PRKCA: variants seen among roughly 807,000 people sequenced by gnomAD.
PRKCA encodes protein kinase C alpha type.
In PRKCA, 27 loss-of-function variants were observed where a neutral mutation model predicts 87.0. The ratio of observed to expected loss-of-function variants is 0.31; its 90% CI spans 0.23 to 0.43. The LOEUF (loss-of-function observed/expected upper bound fraction) is 0.43, where lower values mean the gene tolerates loss of function less well. Among genes scored for constraint, PRKCA ranks in the 20% least tolerant of loss-of-function variants. The probability of loss-of-function intolerance (pLI) is 1.00; values close to 1 mark genes in which losing one functional copy is unlikely to be tolerated. For missense variants in PRKCA, 518 were observed against 852.3 expected (o/e 0.61, Z 4.88); for synonymous variants, 329 against 311.1 (o/e 1.06, Z -0.61).
At chr17:66,624,734 G>A (rs943488972) in intron 3 of PRKCA, among the ~76,000 whole-genome samples, 8 of 151,732 alleles carry the variant, frequency 5.3e-5, no homozygotes, top group Admixed American at 3.3e-4. Flanking sequence ...CCCAGGAGGC[G>A]GAGGTTGCAG....
chr17:66,624,733 C>T (rs911949083), intron 3 of PRKCA, among the ~76,000 whole-genome samples: 2 of 151,542 alleles, frequency 1.3e-5, no homozygotes, highest in Admixed American at 1.3e-4. Context: ...ACCCAGGAGG[C>T]GGAGGTTGCA....
At chr17:66,507,314 C>T (rs781738815) in intron 3 of PRKCA, among the ~76,000 whole-genome samples, 5 of 152,126 alleles carry the variant, frequency 3.3e-5, no homozygotes, top group South Asian at 2.1e-4. Flanking sequence ...GTGATTCTCC[C>T]GAGTGCAGTA....
rs149366339 is a variant in PRKCA at position 66,801,744 on chromosome 17, G to A, written c.1855-2129G>A. ...AAGCTTTGCCAGCCCACATGTGGGA[G>A]GCAGGACGGATGTGACAGTAAGCCT... On this transcript the variant is annotated intron_variant, in intron 16 of 16. Transcript: ENST00000413366. 6.4e-4 allele frequency among the ~76,000 whole-genome samples: 98 copies of A among 152,280 alleles called. 1 individual carries two copies. The East Asian group carries it at 0.018, about 29-fold the overall frequency.
At chr17:66,359,924 C>T (rs1317827868) in intron 2 of PRKCA, among the ~76,000 whole-genome samples, 7 of 152,198 alleles carry the variant, frequency 4.6e-5, no homozygotes, top group Non-Finnish European at 1.0e-4. Context: ...TAACCTCCTA[C>T]TAAACTGCCC....
intron 2 of PRKCA, among the ~76,000 whole-genome samples, chr17:66,334,883 A>C (rs1024820728): frequency 6.6e-6 from 1 of 152,204 alleles, no homozygotes; most frequent in Non-Finnish European, 1.5e-5. Flanking sequence ...TGGATAAACA[A>C]AGTATGGGAA....
At chr17:66,483,923 G>A (rs1157678961) in intron 2 of PRKCA, among the ~76,000 whole-genome samples, 3 of 151,982 alleles carry the variant, frequency 2.0e-5, no homozygotes, top group African/African-American at 4.8e-5. Context: ...AATTTTATGG[G>A]GATAGTTTGT....
intron 2 of PRKCA, among the ~76,000 whole-genome samples, chr17:66,405,706 A>G (rs1269773030): frequency 6.6e-6 from 1 of 152,232 alleles, no homozygotes; most frequent in Non-Finnish European, 1.5e-5. Context: ...TTCAATCCCT[A>G]TTCCTTTACA....
intron 5 of PRKCA, among the ~76,000 whole-genome samples, chr17:66,660,920 AATT>A (rs1284057773): frequency 1.1e-4 from 17 of 151,984 alleles, no homozygotes; most frequent in African/African-American, 2.9e-4. Flanking sequence ...AAAATAAATT[AATT>A]AATTAATTAA....
At chr17:66,356,128 A>G (rs1341055979) in intron 2 of PRKCA, among the ~76,000 whole-genome samples, 1 of 151,994 alleles carries the variant, frequency 6.6e-6, no homozygotes, top group Admixed American at 6.6e-5. Context: ...CAAACTCCTG[A>G]TCTCAGGTGA....
chr17:66,388,093 G>C (rs1055183887), intron 2 of PRKCA, among the ~76,000 whole-genome samples: 2 of 152,092 alleles, frequency 1.3e-5, no homozygotes, highest in Non-Finnish European at 1.5e-5. Context: ...GGCAGGGGGA[G>C]GAAACCGTAG....
rs1491097957 is a variant in PRKCA at position 66,512,458 on chromosome 17, G to GT, written c.288+16176dup. 4.1e-4 allele frequency among the ~76,000 whole-genome samples: 2 copies of GT among 4,924 alleles called. 1 individual carries two copies. The highest frequency in any genetic ancestry group is 9.2e-3 in the East Asian group (2 of 218). The allele number at this position is 4,924 out of a possible 152,430, so 3.2% of individuals were successfully genotyped here. A position where few individuals can be genotyped will look rare whatever the true frequency, so the allele number is the denominator to read the frequency against. On this transcript the variant is annotated intron_variant, in intron 3 of 16. Transcript: ENST00000413366. Reference sequence around the variant, plus strand: ...CCTGTCTCCAACAACAACAAAAAAAGTGTGTGTGTGTGTGTGTGTGTGTGT... The same window carrying GT: ...CCTGTCTCCAACAACAACAAAAAAAGTTGTGTGTGTGTGTGTGTGTGTGTGT...
intron 3 of PRKCA, among the ~76,000 whole-genome samples, chr17:66,639,813 A>G (rs1333259390): frequency 6.6e-6 from 1 of 152,098 alleles, no homozygotes; most frequent in Non-Finnish European, 1.5e-5. Flanking sequence ...CCTGAATAAC[A>G]TGGTGAAACC....
In PRKCA at chr17:66,740,870, C is replaced by T. The variant is rs9906336; in HGVS notation, c.1323-789C>T. The stretch of plus-strand genomic sequence containing the variant: ...CCTGTAGTAATCCCATCTCTTCACC[C>T]TCCCCCTTTCTGTACTCTTCTAGCC... On this transcript the variant is annotated intron_variant, in intron 11 of 16. Coordinates refer to ENST00000413366, the MANE Select transcript of PRKCA (RefSeq NM_002737.3). 9.0e-3 allele frequency among the ~76,000 whole-genome samples: 1,376 copies of T among 152,288 alleles called. 21 individuals carry two copies. The highest frequency in any genetic ancestry group is 0.032 in the African/African-American group (1,317 of 41,560).
At chr17:66,388,540 C>T (rs1224838078) in intron 2 of PRKCA, among the ~76,000 whole-genome samples, 2 of 152,210 alleles carry the variant, frequency 1.3e-5, no homozygotes, top group Non-Finnish European at 2.9e-5. Flanking sequence ...GTGATCCACC[C>T]GCCTTAGCCT....
chr17:66,458,058 G>C (rs1188171344), intron 2 of PRKCA, among the ~76,000 whole-genome samples: 2 of 152,198 alleles, frequency 1.3e-5, no homozygotes, highest in Non-Finnish European at 2.9e-5. Context: ...GACATAAGGA[G>C]TATGACCTTC....
intron 3 of PRKCA, among the ~76,000 whole-genome samples, chr17:66,632,372 T>TG (rs1175403561): frequency 6.6e-6 from 1 of 151,986 alleles, no homozygotes; most frequent in Non-Finnish European, 1.5e-5. Context: ...GCTTTTTGTT[T>TG]TTTGTTTGTT....
At chr17:66,756,719 T>C (rs1011500715) in intron 13 of PRKCA, among the ~76,000 whole-genome samples, 3 of 152,142 alleles carry the variant, frequency 2.0e-5, no homozygotes, top group Non-Finnish European at 2.9e-5. Flanking sequence ...TGGAGTCCAG[T>C]AGCATGATCT....
At position 66,315,876 on chromosome 17, in the gene PRKCA, G is replaced by A. The variant is rs755772539; in HGVS notation, c.205+9749G>A. Among the ~76,000 whole-genome samples the A allele has an allele frequency of 1.1e-4, 17 of 152,318 alleles. No homozygotes were observed. In the South Asian group the frequency reaches 1.5e-3, roughly 13 times the overall value. On this transcript the variant is annotated intron_variant, in intron 2 of 16. Coordinates refer to ENST00000413366, the MANE Select transcript of PRKCA (RefSeq NM_002737.3). ...TGGACCTCTGTTTAGTCTATGTCAT[G>A]CCAGACCCTGCAGGGCGCAGGACAG...
At chr17:66,418,152 G>C (rs1251305924) in intron 2 of PRKCA, among the ~76,000 whole-genome samples, 1 of 152,164 alleles carries the variant, frequency 6.6e-6, no homozygotes, top group African/African-American at 2.4e-5. Context: ...GACAGTTCTT[G>C]CTGAAAAAGA....
Sources: gnomAD v4.1 joint callset for allele counts (sites outside exome capture counted in the v4.1 genomes callset) on GRCh38, gnomAD v4.1.1 for gene constraint, MANE v1.5 for transcripts, NCBI Gene and HGNC (gene_info 2026-07-23, HGNC 2026-07-21) for gene names.